Variants in ADGRA3 observed in about 807,000 individuals in gnomAD.
The protein encoded by ADGRA3 is G-protein coupled receptor 125.
Under a neutral mutation model 119.8 loss-of-function variants are expected in ADGRA3, and 56 were observed. The observed-to-expected ratio is 0.47, with a 90% CI of 0.38 to 0.58. ADGRA3 has a LOEUF of 0.58. ADGRA3 is among the 20% of genes least tolerant of loss of function. The probability of loss-of-function intolerance (pLI) is 0.00; values close to 1 mark genes in which losing one functional copy is unlikely to be tolerated. For missense variants in ADGRA3, 1,516 were observed against 1,649.0 expected, an observed-to-expected ratio of 0.92 and a Z score of 1.40; for synonymous variants, 607 against 623.8, an observed-to-expected ratio of 0.97 and a Z score of 0.40.
chr4:22,483,480 T>C (rs1318060954), intron 1 of ADGRA3, among the ~76,000 whole-genome samples: 1 of 152,198 alleles, frequency 6.6e-6, no homozygotes, highest in African/African-American at 2.4e-5. Flanking sequence ...ATGGGATTCT[T>C]TCTGGAAATC....
At chr4:22,503,445 C>T (rs560122307) in intron 1 of ADGRA3, among the ~76,000 whole-genome samples, 1 of 152,272 alleles carries the variant, frequency 6.6e-6, no homozygotes, top group African/African-American at 2.4e-5. Context: ...TCCAAGCAGG[C>T]TTAAAGAAAG....
intron 7 of ADGRA3, among the ~76,000 whole-genome samples, chr4:22,439,450 T>C (rs1328136100): frequency 1.3e-5 from 2 of 152,218 alleles, no homozygotes; most frequent in Non-Finnish European, 2.9e-5. Flanking sequence ...GTTGCTGTTA[T>C]GTAGACACAA....
rs542690748 is a variant in ADGRA3, at chr4:22,447,189, A to G, written c.545+251T>C. Among the ~76,000 whole-genome samples the G allele has an allele frequency of 2.0e-5, 3 of 152,266 alleles. No individual in the cohort carries two copies. In the South Asian group the frequency reaches 6.2e-4, roughly 32 times the overall value. On this transcript the variant is annotated intron_variant, in intron 5 of 18. Transcript: ENST00000334304. ...TTGAAAAAAAAGTCAAAAAGAAACA[A>G]TTACCAGTTTACTTACTCTAAATAT...
At chr4:22,476,315 C>A (rs1345244578) in intron 1 of ADGRA3, among the ~76,000 whole-genome samples, 2 of 152,076 alleles carry the variant, frequency 1.3e-5, no homozygotes, top group Non-Finnish European at 2.9e-5. Context: ...CCGGCACTCA[C>A]CAAACTGACA....
intron 11 of ADGRA3, among the ~76,000 whole-genome samples, chr4:22,423,613 GATC>G (rs1482103241): frequency 1.3e-5 from 2 of 152,194 alleles, no homozygotes; most frequent in Admixed American, 6.5e-5. Context: ...GTAATTGAGT[GATC>G]ATTATTTATT....
intron 14 of ADGRA3, among the ~76,000 whole-genome samples, chr4:22,406,918 T>C (rs766750136): frequency 1.3e-5 from 2 of 151,420 alleles, no homozygotes; most frequent in African/African-American, 4.9e-5. Context: ...AAAAAAAAAA[T>C]ATTAAAAGCC....
chr4:22,470,575 T>C (rs960677046), intron 2 of ADGRA3, among the ~76,000 whole-genome samples: 2 of 152,224 alleles, frequency 1.3e-5, no homozygotes, highest in Non-Finnish European at 2.9e-5. Flanking sequence ...GAGTAATTCC[T>C]TGTTCTGCCA....
chr4:22,387,758 C>A lies in ADGRA3; in HGVS notation c.3913G>T (p.Asp1305Tyr). Residue 1305 changes from aspartate to tyrosine, a missense_variant, in exon 19 of 19, where the codon GAT (aspartate) becomes TAT (tyrosine). Physicochemically the swap from Asp to Tyr is radical, Grantham distance 160. Transcript: ENST00000334304. ...CCAGTCCTAACATTGCCAGTGCTAT[C>A]GGTACCGAGCAAGGGTCCCTCCTGC... ...NGQEGPLLGT[D>Y]STGNVRTGLW... 6.2e-7 allele frequency: 1 copy of A among 1,614,052 alleles called. No individual in the cohort carries two copies. Among genetic ancestry groups the A allele is most frequent in the Non-Finnish European group, 8.5e-7 (1 of 1,179,962 alleles).
Position 22,503,569 on chromosome 4 carries a change from A to G in ADGRA3, c.257+11959T>C, listed in dbSNP as rs147869132. 3.4e-3 allele frequency among the ~76,000 whole-genome samples: 514 copies of G among 152,308 alleles called. 4 individuals carry two copies. Among genetic ancestry groups the G allele is most frequent in the African/African-American group, 0.012 (480 of 41,552 alleles). On this transcript the variant is annotated intron_variant, in intron 1 of 18. Transcript: ENST00000334304. Reference sequence around the variant, plus strand: ...CCTGCTTTCTACTATTCCACCCACAATACAAGGCCATGGCAGCACTGGCTG... The same window carrying G: ...CCTGCTTTCTACTATTCCACCCACAGTACAAGGCCATGGCAGCACTGGCTG...
intron 2 of ADGRA3, among the ~76,000 whole-genome samples, chr4:22,466,424 C>A (rs1333500586): frequency 6.6e-6 from 1 of 152,142 alleles, no homozygotes; most frequent in Non-Finnish European, 1.5e-5. Context: ...CCATTCCTTC[C>A]TCCAGAAAAA....
chr4:22,481,445 GTGTTTAAATTTTTAAA>G (rs1274722655), intron 1 of ADGRA3, among the ~76,000 whole-genome samples: 5 of 152,202 alleles, frequency 3.3e-5, no homozygotes, highest in African/African-American at 1.2e-4. Context: ...TCTAAGAACA[GTGTTTAAATTTTTAAA>G]TGCATGAAAA....
rs143510925 is a variant in ADGRA3 at position 22,421,015 on chromosome 4, G to C, written c.1680C>G (p.Phe560Leu). The change falls in exon 12 of 19, where the codon TTC (phenylalanine) becomes TTG (leucine). Residue 560 changes from phenylalanine to leucine, a missense_variant. Phe to Leu is a conservative substitution (Grantham distance 22, BLOSUM62 0). This residue lies in a region of ADGRA3 where 1,088 missense variants were observed against 1,107.1 expected (regional missense o/e 0.98). Transcript: ENST00000334304. ...TGFTGMTCTV[F>L]QKVAASDRTG... ...TACGATCAGAGGCTGCCACTTTCTG[G>C]AACACGGTACAGGTCATCCCCGTGA... 12 of 1,613,920 alleles carry C rather than the reference G, an allele frequency of 7.4e-6. No individual in the cohort carries two copies. The highest frequency in any genetic ancestry group is 9.3e-6 in the Non-Finnish European group (11 of 1,179,960).
intron 10 of ADGRA3, among the ~76,000 whole-genome samples, chr4:22,426,514 G>A (rs942187349): frequency 1.3e-5 from 2 of 152,180 alleles, no homozygotes; most frequent in Non-Finnish European, 2.9e-5. Context: ...GGGCCAATGT[G>A]AGCCAGACAC....
At chr4:22,467,324 C>T (rs934875245) in intron 2 of ADGRA3, among the ~76,000 whole-genome samples, 1 of 152,138 alleles carries the variant, frequency 6.6e-6, no homozygotes, top group African/African-American at 2.4e-5. Context: ...TCAGGACTTA[C>T]TTATTAGTTC....
Position 22,435,379 on chromosome 4 carries a change from C to T in ADGRA3, c.1375G>A (p.Asp459Asn). Residue 459 changes from aspartate to asparagine, a missense_variant, in exon 10 of 19, where the codon GAT becomes AAT. Around this residue, in one of 2 missense-constraint regions of ADGRA3, gnomAD observed 1,088 missense variants for 1,107.1 expected, o/e 0.98. Transcript: ENST00000334304. ...VEAANFSDKMDVIFVAEMIEK... is the reference protein window; with the variant it reads ...VEAANFSDKMNVIFVAEMIEK... ...ATCATTTCTGCCACAAATATAACAT[C>T]CATTTTGTCAGAAAAGTTGGCTGCT... 6.2e-7 allele frequency: 1 copy of T among 1,613,474 alleles called. No individual in the cohort carries two copies. Among genetic ancestry groups the T allele is most frequent in the Non-Finnish European group, 8.5e-7 (1 of 1,179,534 alleles).
intron 7 of ADGRA3, among the ~76,000 whole-genome samples, chr4:22,440,396 G>A (rs1328565480): frequency 6.6e-6 from 1 of 152,112 alleles, no homozygotes; most frequent in Non-Finnish European, 1.5e-5. Context: ...AAGAATCAAA[G>A]ACATGGGGAG....
Position 22,450,949 on chromosome 4 carries a change from A to ATATAT in ADGRA3, c.474-3439_474-3438insATATA, listed in dbSNP as rs1168085129. ...CTGGATATAACAGAAAAAAAAAAAA[A>ATATAT]AAATATATATATATATATATATACA... On this transcript the variant is annotated intron_variant, in intron 4 of 18. Transcript: ENST00000334304. Among the ~76,000 whole-genome samples the ATATAT allele has an allele frequency of 1.1e-3, 152 of 133,206 alleles. 2 individuals carry two copies. Among genetic ancestry groups the ATATAT allele is most frequent in the African/African-American group, 3.7e-3 (129 of 34,534 alleles). 87.4% of individuals were successfully genotyped at this position (133,206 alleles called of 152,430 possible).
intron 16 of ADGRA3, chr4:22,398,199 G>C: frequency 1.1e-6 from 1 of 894,124 alleles, no homozygotes; most frequent in Non-Finnish European, 1.3e-6. Context: ...TAATATAATA[G>C]TGGTAACAGG....
chr4:22,431,717 C>T (rs1320890649), intron 10 of ADGRA3, among the ~76,000 whole-genome samples: 1 of 152,084 alleles, frequency 6.6e-6, no homozygotes, highest in Non-Finnish European at 1.5e-5. Context: ...TATAAATTAC[C>T]CACTCTCGGG....
Sources: gnomAD v4.1 joint callset for allele counts (sites outside exome capture counted in the v4.1 genomes callset) on GRCh38, gnomAD v4.1.1 for gene constraint, gnomAD v4.1.1 regional missense constraint, MANE v1.5 for transcripts, NCBI Gene and HGNC (gene_info 2026-07-23, HGNC 2026-07-21) for gene names.